The following VWA5B1 variants were observed in gnomAD, a reference collection of about 807,000 sequenced individuals.
The protein encoded by VWA5B1 is von Willebrand factor A domain-containing protein 5B1.
Under a neutral mutation model 118.2 loss-of-function variants are expected in VWA5B1, and 115 were observed. The observed-to-expected ratio is 0.97, with a 90% confidence interval of 0.84 to 1.14. VWA5B1 has a LOEUF of 1.14. VWA5B1 is among the 50% of genes most tolerant of loss of function. The probability of loss-of-function intolerance (pLI) is 0.00; values close to 1 mark genes in which losing one functional copy is unlikely to be tolerated. For missense variants in VWA5B1, 1,596 were observed against 1,603.8 expected (o/e 1.00, Z 0.08); for synonymous variants, 682 against 658.4 (o/e 1.04, Z -0.55).
intron 10 of VWA5B1, 149 bp downstream of exon 10, chr1:20,330,531 T>C: frequency 9.5e-7 from 1 of 1,050,644 alleles, no homozygotes; most frequent in Admixed American, 2.6e-5. Context: ...TGTGGGCTGA[T>C]TTCAAAGTTC....
chr1:20,338,142 C>A, intron 14 of VWA5B1: 1 of 525,718 alleles, frequency 1.9e-6, no homozygotes, highest in South Asian at 1.6e-5. Flanking sequence ...TTTAGGGGCC[C>A]ACCTTGGCTC....
chr1:20,340,948 G>C (rs1427882029), intron 14 of VWA5B1, among the ~76,000 whole-genome samples: 1 of 152,108 alleles, frequency 6.6e-6, no homozygotes, highest in Non-Finnish European at 1.5e-5. Flanking sequence ...ATAAATAACA[G>C]TGCAAGGTAT....
At chr1:20,297,574 G>A (rs1376890482) in intron 1 of VWA5B1, among the ~76,000 whole-genome samples, 1 of 152,222 alleles carries the variant, frequency 6.6e-6, no homozygotes, top group Non-Finnish European at 1.5e-5. Flanking sequence ...TAAGAGCGGG[G>A]CATCATAGCC....
chr1:20,349,945 G>A (rs1244400962), intron 18 of VWA5B1, among the ~76,000 whole-genome samples: 3 of 152,114 alleles, frequency 2.0e-5, no homozygotes, highest in African/African-American at 4.8e-5. Context: ...GGTGGCGGGG[G>A]TCAGGATTTG....
intron 18 of VWA5B1, among the ~76,000 whole-genome samples, chr1:20,348,818 T>C (rs2090064049): frequency 6.6e-6 from 1 of 152,240 alleles, no homozygotes; most frequent in South Asian, 2.1e-4. Flanking sequence ...CCTGGTTTCA[T>C]TGTGCCTGCA....
chr1:20,341,071 T>C (rs1420506080), intron 14 of VWA5B1, among the ~76,000 whole-genome samples: 3 of 152,234 alleles, frequency 2.0e-5, no homozygotes, highest in African/African-American at 7.2e-5. Flanking sequence ...ACAATTTACT[T>C]TTTTAAAATA....
In VWA5B1 at chr1:20,291,359, T is replaced by TTCTTTCTTTCTTTCTCTCTCTC. The variant is rs1381113890; in HGVS notation, c.-27+274_-27+275insTTCTTTCTTTCTCTCTCTCTCT. ...TCTCTCTCTTTCTTTCTTTCTTTCT[T>TTCTTTCTTTCTTTCTCTCTCTC]TCTCTCTCTCTCTCTCTCTCTCTCT... On this transcript the variant is annotated intron_variant, in intron 1 of 21. Transcript: ENST00000289815. Among the ~76,000 whole-genome samples the TTCTTTCTTTCTTTCTCTCTCTC allele has an allele frequency of 3.0e-3, 315 of 103,382 alleles. 3 individuals carry two copies. Among genetic ancestry groups the TTCTTTCTTTCTTTCTCTCTCTC allele is most frequent in the Admixed American group, 0.011 (110 of 9,824 alleles). The allele number at this position is 103,382 out of a possible 152,430, so 67.8% of individuals were successfully genotyped here.
Position 20,343,387 on chromosome 1 carries a change from G to C in VWA5B1, c.2620G>C (p.Glu874Gln), listed in dbSNP as rs980256766. The C allele has an allele frequency of 6.2e-5, 94 of 1,523,736 alleles. No homozygotes were observed. Among genetic ancestry groups the C allele is most frequent in the Middle Eastern group, 3.4e-4 (2 of 5,896 alleles). 94.4% of individuals were successfully genotyped at this position (1,523,736 alleles called of 1,614,324 possible). A position where few individuals can be genotyped will look rare whatever the true frequency, so the allele number is the denominator to read the frequency against. Residue 874 changes from glutamate (E) to glutamine (Q), a missense_variant, in exon 16 of 22, where the codon GAG (glutamate) becomes CAG (glutamine). Glu to Gln is a conservative substitution (Grantham distance 29, BLOSUM62 2). Coordinates refer to ENST00000289815, the MANE Select transcript of VWA5B1 (RefSeq NM_001039500.3). ...EQLAEREGEI[E>Q]QGSNRRYQVS... ...GCTGGCGGAGCGCGAGGGCGAGATCGAGCAGGGTGAGCGCCACGGAACTGC... is the reference window on the plus strand; with the variant it reads ...GCTGGCGGAGCGCGAGGGCGAGATCCAGCAGGGTGAGCGCCACGGAACTGC...
At chr1:20,293,101 G>A (rs2088342060) in intron 1 of VWA5B1, among the ~76,000 whole-genome samples, 1 of 152,168 alleles carries the variant, frequency 6.6e-6, no homozygotes, top group African/African-American at 2.4e-5. Flanking sequence ...AGGAGGTAGA[G>A]GACAGGCAGC....
Position 20,357,034 on chromosome 1 carries a change from T to G in VWA5B1, c.*2771T>G, listed in dbSNP as rs1160611260. 6.6e-6 allele frequency among the ~76,000 whole-genome samples: 1 copy of G among 152,256 alleles called. No individual in the cohort carries two copies. Among genetic ancestry groups the G allele is most frequent in the East Asian group, 1.9e-4 (1 of 5,200 alleles). On this transcript the variant is annotated 3_prime_UTR_variant, in exon 22 of 22. Coordinates refer to ENST00000289815, the MANE Select transcript of VWA5B1 (RefSeq NM_001039500.3). ...TGCAATCTCATTTACTTTGGGTTAA[T>G]CTGGTTTAACTTGCTAAACCAGCCC...
At chr1:20,313,420 C>T (rs1557837611) in intron 3 of VWA5B1, among the ~76,000 whole-genome samples, 1 of 152,176 alleles carries the variant, frequency 6.6e-6, no homozygotes, top group Non-Finnish European at 1.5e-5. Flanking sequence ...AATAGCTGTC[C>T]TCACCCGATG....
chr1:20,326,838 C>T (rs142225973), intron 8 of VWA5B1, among the ~76,000 whole-genome samples: 3 of 152,270 alleles, frequency 2.0e-5, no homozygotes, highest in African/African-American at 7.2e-5. Flanking sequence ...GTTTCCTTAT[C>T]TGTAAAGCAG....
chr1:20,325,130 T>A (rs2089338597), intron 8 of VWA5B1, among the ~76,000 whole-genome samples: 1 of 152,242 alleles, frequency 6.6e-6, no homozygotes, highest in Non-Finnish European at 1.5e-5. Context: ...TTTCCCAGCA[T>A]CACAGGGCTA....
chr1:20,317,214 G>T (rs1236772820), intron 4 of VWA5B1, among the ~76,000 whole-genome samples: 2 of 150,724 alleles, frequency 1.3e-5, no homozygotes, highest in Non-Finnish European at 3.0e-5. Context: ...TCACCACACT[G>T]AGCTTCAGTG....
intron 12 of VWA5B1, among the ~76,000 whole-genome samples, chr1:20,335,170 C>A (rs752512134): frequency 2.0e-5 from 3 of 152,072 alleles, no homozygotes. Context: ...AAAAAATTAG[C>A]CAGACGTGGT....
rs2090264366 is a variant in VWA5B1 at position 20,358,322 on chromosome 1, G to A, written c.*4059G>A. 6.6e-6 allele frequency among the ~76,000 whole-genome samples: 1 copy of A among 152,198 alleles called. No individual in the cohort carries two copies. Among genetic ancestry groups the A allele is most frequent in the Admixed American group, 6.5e-5 (1 of 15,284 alleles). On this transcript the variant is annotated 3_prime_UTR_variant, in exon 22 of 22. Transcript: ENST00000289815. ...TCCAGCTGGTTCACCAGGAACAGCT[G>A]TCAAAAAAGGTTTCTGGAAGTTTCC... is the stretch of plus-strand genomic sequence containing the variant.
chr1:20,338,127 G>A (rs1038768026), intron 14 of VWA5B1: 2 of 553,010 alleles, frequency 3.6e-6, no homozygotes, highest in Admixed American at 4.4e-5. Context: ...TGGGGGAGGA[G>A]AGAGTTTAGG....
intron 1 of VWA5B1, among the ~76,000 whole-genome samples, chr1:20,301,878 T>C (rs944454989): frequency 6.6e-6 from 1 of 152,174 alleles, no homozygotes; most frequent in African/African-American, 2.4e-5. Flanking sequence ...TGACCCTCAG[T>C]GAGCAGAGGC....
chr1:20,334,797 C>T (rs1404994475), intron 12 of VWA5B1, among the ~76,000 whole-genome samples: 2 of 151,824 alleles, frequency 1.3e-5, no homozygotes, highest in Middle Eastern at 3.4e-3. Context: ...GGGGATAGGG[C>T]GAGACTCTGT....
Sources: allele counts gnomAD v4.1 joint callset (sites outside exome capture counted in the v4.1 genomes callset), GRCh38; gene constraint gnomAD v4.1.1; transcripts MANE v1.5; gene names NCBI Gene and HGNC (gene_info 2026-07-23, HGNC 2026-07-21).